GPATCH2: variants seen among roughly 807,000 people sequenced by gnomAD.
GPATCH2 encodes the protein G-patch domain containing 2, also known as G patch domain-containing protein 2.
GPATCH2 carries 51 observed loss-of-function variants against 58.0 expected under a neutral mutation model. The observed-to-expected ratio is 0.88, with a 90% CI of 0.70 to 1.11. The LOEUF (loss-of-function observed/expected upper bound fraction) is 1.11. Among genes scored for constraint, GPATCH2 ranks in the 50% most tolerant of loss-of-function variants. The probability of loss-of-function intolerance (pLI) is 0.00; values close to 1 mark genes in which losing one functional copy is unlikely to be tolerated. For synonymous variants in GPATCH2, 222 were observed against 218.5 expected (o/e 1.02, Z -0.14); for missense variants, 625 against 652.2 (o/e 0.96, Z 0.45).
At chr1:217,515,379 A>C (rs1171214000) in intron 5 of GPATCH2, among the ~76,000 whole-genome samples, 1 of 151,808 alleles carries the variant, frequency 6.6e-6, no homozygotes, top group East Asian at 2.0e-4. Context: ...TACAGGTGTG[A>C]GCCACCGCGC....
intron 6 of GPATCH2, among the ~76,000 whole-genome samples, chr1:217,510,995 G>A (rs1174623844): frequency 6.6e-6 from 1 of 152,164 alleles, no homozygotes; most frequent in Non-Finnish European, 1.5e-5. Flanking sequence ...TTACTCTGGA[G>A]GCTGAGGCAG....
At chr1:217,469,816 G>A (rs746904746) in intron 8 of GPATCH2, among the ~76,000 whole-genome samples, 22 of 152,158 alleles carry the variant, frequency 1.4e-4, no homozygotes, top group Non-Finnish European at 3.1e-4. Flanking sequence ...CAGTGTGGCA[G>A]ATGAATTTAA....
intron 5 of GPATCH2, among the ~76,000 whole-genome samples, chr1:217,517,597 C>A (rs899939281): frequency 4.6e-5 from 7 of 152,054 alleles, no homozygotes; most frequent in Admixed American, 1.3e-4. Flanking sequence ...TTAAGGAATT[C>A]TTTCTAAAAG....
intron 8 of GPATCH2, among the ~76,000 whole-genome samples, chr1:217,453,877 G>A (rs1417154238): frequency 6.6e-6 from 1 of 152,100 alleles, no homozygotes; most frequent in African/African-American, 2.4e-5. Context: ...AGTTAAAGCT[G>A]CCCCCTGGAT....
intron 6 of GPATCH2, among the ~76,000 whole-genome samples, chr1:217,500,513 T>A (rs937186120): frequency 1.1e-4 from 17 of 152,048 alleles, no homozygotes; most frequent in African/African-American, 3.9e-4. Flanking sequence ...TTGAGAAGCG[T>A]ATTGTTTGAG....
At chr1:217,580,824 A>T (rs1667042995) in intron 5 of GPATCH2, among the ~76,000 whole-genome samples, 1 of 42,380 alleles carries the variant, frequency 2.4e-5, no homozygotes, top group Non-Finnish European at 5.2e-5. Flanking sequence ...CTGGCTAACA[A>T]GGTGAAACCC....
At chr1:217,564,856 A>C (rs77987096) in intron 5 of GPATCH2, among the ~76,000 whole-genome samples, 2,298 of 152,270 alleles carry the variant, frequency 0.015, 65 homozygotes, top group African/African-American at 0.053. Flanking sequence ...TGCTGGCTCT[A>C]AGTGTTAAGT....
chr1:217,614,184 G>T lies in GPATCH2; in HGVS notation c.792C>A (p.Ser264Arg). The change falls in exon 3 of 10, where the codon AGC becomes AGA. Residue 264 changes from serine (S) to arginine (R), a missense_variant. Ser to Arg is a moderately radical substitution (Grantham distance 110, BLOSUM62 -1). Coordinates refer to ENST00000366935, the MANE Select transcript of GPATCH2 (RefSeq NM_018040.5). Reference protein sequence around the residue: ...LMSESDSSSLSSTDAGLFTND... With the variant: ...LMSESDSSSLRSTDAGLFTND... Reference sequence around the variant, plus strand: ...TGGTAAACAATCCAGCATCAGTGCTGCTGAGACTGCTGGAATCACTGTAAT... The same window carrying T: ...TGGTAAACAATCCAGCATCAGTGCTTCTGAGACTGCTGGAATCACTGTAAT... 1.3e-6 allele frequency: 2 copies of T among 1,562,472 alleles called. No individual in the cohort carries two copies. Among genetic ancestry groups the T allele is most frequent in the South Asian group, 1.1e-5 (1 of 89,446 alleles).
In GPATCH2 at chr1:217,601,844, T is replaced by G. The variant is rs972055708; in HGVS notation, c.1098+8477A>C. Among the ~76,000 whole-genome samples, 6 of 152,292 alleles carry G rather than the reference T, an allele frequency of 3.9e-5. No homozygotes were observed. The East Asian group carries it at 1.2e-3, about 29-fold the overall frequency. The stretch of plus-strand genomic sequence containing the variant: ...TCCTCCCAACCTCCACCAGGTTTAT[T>G]TTTATTCATTAAAATGTAAGCTTCA... On this transcript the variant is annotated intron_variant, in intron 5 of 9. Coordinates refer to ENST00000366935, the MANE Select transcript of GPATCH2 (RefSeq NM_018040.5).
intron 5 of GPATCH2, among the ~76,000 whole-genome samples, chr1:217,547,802 C>A (rs966819839): frequency 1.3e-5 from 2 of 151,936 alleles, no homozygotes; most frequent in African/African-American, 4.8e-5. Context: ...AATCTCATCT[C>A]GAATTGTAAT....
intron 5 of GPATCH2, among the ~76,000 whole-genome samples, chr1:217,580,439 C>A (rs1349309254): frequency 6.6e-6 from 1 of 152,034 alleles, no homozygotes; most frequent in Non-Finnish European, 1.5e-5. Context: ...AATTTTACTT[C>A]TAGAAAAACA....
At chr1:217,572,876 T>C (rs934866143) in intron 5 of GPATCH2, among the ~76,000 whole-genome samples, 3 of 152,174 alleles carry the variant, frequency 2.0e-5, no homozygotes, top group African/African-American at 7.2e-5. Flanking sequence ...GGAGGGTTAA[T>C]AGTGAAAATA....
intron 2 of GPATCH2, among the ~76,000 whole-genome samples, chr1:217,619,042 T>G (rs953219724): frequency 6.6e-6 from 1 of 152,158 alleles, no homozygotes; most frequent in African/African-American, 2.4e-5. Context: ...ACTGTTTTTT[T>G]CTGGCTCATA....
Position 217,523,035 on chromosome 1 carries a change from C to A in GPATCH2, c.1099-8146G>T, listed in dbSNP as rs72747605. On this transcript the variant is annotated intron_variant, in intron 5 of 9. Transcript: ENST00000366935. ...TAATCCAAAGCAATTAAAAAAATTT[C>A]TATATTATTGCTCCTATGTTTGGGT... Among the ~76,000 whole-genome samples, 415 of 151,700 alleles carry A rather than the reference C, an allele frequency of 2.7e-3. 4 individuals are homozygous for A. Among genetic ancestry groups the A allele is most frequent in the Non-Finnish European group, 4.5e-3 (308 of 67,984 alleles).
In GPATCH2 at chr1:217,533,425, A is replaced by T. The variant is rs543665141; in HGVS notation, c.1099-18536T>A. Among the ~76,000 whole-genome samples, 13 of 152,292 alleles carry T rather than the reference A, an allele frequency of 8.5e-5. No homozygotes were observed. The South Asian group carries it at 2.1e-3, about 24-fold the overall frequency. ...TGAAAAAATAAAGGTGAAAAAGACA[A>T]ATAATATCTTAGCGTTATGAAAACA... On this transcript the variant is annotated intron_variant, in intron 5 of 9. Coordinates refer to ENST00000366935, the MANE Select transcript of GPATCH2 (RefSeq NM_018040.5).
At chr1:217,588,148 C>G in intron 5 of GPATCH2, among the ~76,000 whole-genome samples, 1 of 152,172 alleles carries the variant, frequency 6.6e-6, no homozygotes, top group East Asian at 1.9e-4. Flanking sequence ...AATTCCCTCC[C>G]TCCCTTGGAT....
At chr1:217,467,367 G>C (rs141570261) in intron 8 of GPATCH2, among the ~76,000 whole-genome samples, 1 of 152,148 alleles carries the variant, frequency 6.6e-6, no homozygotes, top group African/African-American at 2.4e-5. Context: ...TTATACATTG[G>C]TATACCTATA....
chr1:217,547,331 C>G (rs1453840435), intron 5 of GPATCH2, among the ~76,000 whole-genome samples: 1 of 149,334 alleles, frequency 6.7e-6, no homozygotes, highest in Non-Finnish European at 1.5e-5. Flanking sequence ...CCACTGCACT[C>G]CAGCCTGGGT....
chr1:217,432,330 A>AT (rs11460066), intron 9 of GPATCH2, among the ~76,000 whole-genome samples: 68,291 of 151,862 alleles, frequency 0.45, 16,731 homozygotes, highest in Middle Eastern at 0.62. Flanking sequence ...TAGACTTTGA[A>AT]TTTTTTTTGT....
Sources: allele counts gnomAD v4.1 joint callset (sites outside exome capture counted in the v4.1 genomes callset), GRCh38; gene constraint gnomAD v4.1.1; transcripts MANE v1.5; gene names NCBI Gene and HGNC (gene_info 2026-07-23, HGNC 2026-07-21).